Variants in CCN4 observed in about 807,000 individuals in gnomAD.
CCN4 encodes the protein CCN family member 4.
CCN4 carries 30 observed loss-of-function variants against 36.7 expected under a neutral mutation model. That is an observed-to-expected ratio of 0.82 (90% confidence interval 0.61 to 1.11). CCN4 has a LOEUF of 1.11. CCN4 is among the 50% of genes least tolerant of loss of function. The probability of loss-of-function intolerance (pLI) is 0.00; values close to 1 mark genes in which losing one functional copy is unlikely to be tolerated. For synonymous variants in CCN4, 191 were observed against 195.4 expected (o/e 0.98, Z 0.19); for missense variants, 505 against 504.9 (o/e 1.00, Z 0.00).
intron 1 of CCN4, among the ~76,000 whole-genome samples, chr8:133,205,459 T>C (rs1476110977): frequency 6.6e-6 from 1 of 152,216 alleles, no homozygotes; most frequent in East Asian, 1.9e-4. Context: ...TCTTGGCTTC[T>C]GTTGTTGGAC....
intron 1 of CCN4, among the ~76,000 whole-genome samples, chr8:133,209,994 T>C (rs1356360035): frequency 6.6e-6 from 1 of 152,176 alleles, no homozygotes; most frequent in African/African-American, 2.4e-5. Flanking sequence ...TGCATGTTCT[T>C]TTCTTGACAC....
At chr8:133,220,472 G>A in intron 2 of CCN4, 109 bp from the exon 3 acceptor site, 1 of 1,484,584 alleles carries the variant, frequency 6.7e-7, no homozygotes. Context: ...TCCATGCTGG[G>A]AGCCATCCCC....
At position 133,231,400 on chromosome 8, in the gene CCN4, T is replaced by A. The variant is rs1854960630; in HGVS notation, c.*3690T>A. 1 of 152,190 alleles carries A rather than the reference T, an allele frequency of 6.6e-6. No homozygotes were observed. The highest frequency in any genetic ancestry group is 2.4e-5 in the African/African-American group (1 of 41,448). 9.4% of individuals were successfully genotyped at this position (152,190 alleles called of 1,614,324 possible). A position where few individuals can be genotyped will look rare whatever the true frequency, so the allele number is the denominator to read the frequency against. ...ACTGCCATTTTTGTGACTGAAAAACTACACATGAGGAAACGTCTTAGAATT... is the reference window on the plus strand; with the variant it reads ...ACTGCCATTTTTGTGACTGAAAAACAACACATGAGGAAACGTCTTAGAATT... On this transcript the variant is annotated 3_prime_UTR_variant, in exon 5 of 5. Coordinates refer to ENST00000250160, the MANE Select transcript of CCN4 (RefSeq NM_003882.4).
At chr8:133,204,775 G>C (rs1355371124) in intron 1 of CCN4, among the ~76,000 whole-genome samples, 1 of 152,142 alleles carries the variant, frequency 6.6e-6, no homozygotes, top group Non-Finnish European at 1.5e-5. Flanking sequence ...GGCTGGTCTC[G>C]ACCTCCTTGA....
chr8:133,215,774 C>T (rs569814663), intron 2 of CCN4, among the ~76,000 whole-genome samples: 25 of 152,168 alleles, frequency 1.6e-4, no homozygotes, highest in African/African-American at 3.9e-4. Flanking sequence ...ATAGATTTTA[C>T]GCCTACCAGT....
chr8:133,194,253 G>A (rs1172329990), intron 1 of CCN4, among the ~76,000 whole-genome samples: 1 of 149,638 alleles, frequency 6.7e-6, no homozygotes, highest in Non-Finnish European at 1.5e-5. Context: ...GTGAGAGGGT[G>A]TGTGGGGGTA....
At chr8:133,204,076 A>G (rs771043548) in intron 1 of CCN4, among the ~76,000 whole-genome samples, 2 of 152,152 alleles carry the variant, frequency 1.3e-5, no homozygotes, top group Non-Finnish European at 2.9e-5. Flanking sequence ...TCCAATAAGT[A>G]TGATTGAAGG....
chr8:133,227,926 A>C lies in CCN4; in HGVS notation c.*216A>C. On this transcript the variant is annotated 3_prime_UTR_variant, in exon 5 of 5. Coordinates refer to ENST00000250160, the MANE Select transcript of CCN4 (RefSeq NM_003882.4). ...TATCATTCAGCATCTACTCTAAAGA[A>C]AAATGCCTGTCTCTAGCTGTTCTGG... 1 of 567,506 alleles carries C rather than the reference A, an allele frequency of 1.8e-6. No homozygotes were observed. The highest frequency in any genetic ancestry group is 2.9e-5 in the East Asian group (1 of 33,926). The allele number at this position is 567,506 out of a possible 1,614,324, so 35.2% of individuals were successfully genotyped here. A position where few individuals can be genotyped will look rare whatever the true frequency, so the allele number is the denominator to read the frequency against.
chr8:133,206,426 C>G (rs1004664665), intron 1 of CCN4, among the ~76,000 whole-genome samples: 2 of 152,208 alleles, frequency 1.3e-5, no homozygotes, highest in Non-Finnish European at 1.5e-5. Flanking sequence ...GATGCACAGA[C>G]AGAAGGTGGT....
rs56318195 is a variant in CCN4, at chr8:133,217,936, C to CCACACACACACACGCACACACACA, written c.350-2632_350-2631insGCACACACACACACACACACACAC. Among the ~76,000 whole-genome samples, 837 of 144,486 alleles carry CCACACACACACACGCACACACACA rather than the reference C, an allele frequency of 5.8e-3. 4 individuals carry two copies. Among genetic ancestry groups the CCACACACACACACGCACACACACA allele is most frequent in the Middle Eastern group, 0.01 (3 of 294 alleles). 94.8% of individuals were successfully genotyped at this position (144,486 alleles called of 152,430 possible). On this transcript the variant is annotated intron_variant, in intron 2 of 4. Coordinates refer to ENST00000250160, the MANE Select transcript of CCN4 (RefSeq NM_003882.4). ...TTCCGGGCTTAGCCCACTCCCTTCT[C>CCACACACACACACGCACACACACA]CACACACACACACACACACACACAC...
intron 4 of CCN4, 58 bp from the exon 5 acceptor site, chr8:133,227,353 G>A: frequency 1.3e-6 from 2 of 1,531,366 alleles, no homozygotes; most frequent in Non-Finnish European, 1.8e-6. Context: ...CTCAGGGGAA[G>A]AAGGTGGTTG....
At chr8:133,201,544 G>A (rs907934950) in intron 1 of CCN4, among the ~76,000 whole-genome samples, 1 of 152,102 alleles carries the variant, frequency 6.6e-6, no homozygotes, top group Non-Finnish European at 1.5e-5. Flanking sequence ...AGATTTTTAA[G>A]AATAAAAAAG....
intron 1 of CCN4, among the ~76,000 whole-genome samples, chr8:133,193,968 T>A (rs1451285772): frequency 6.6e-6 from 1 of 152,194 alleles, no homozygotes; most frequent in Non-Finnish European, 1.5e-5. Flanking sequence ...TAAGTCCCGT[T>A]GCACCTCAGA....
At chr8:133,207,994 G>GTTTTTTT (rs33983896) in intron 1 of CCN4, among the ~76,000 whole-genome samples, 11,107 of 141,184 alleles carry the variant, frequency 0.079, 541 homozygotes, top group South Asian at 0.14. Context: ...CCTTTCAGCT[G>GTTTTTTT]TTTTTTTTTT....
rs1055843234 is a variant in CCN4, at chr8:133,228,576, T to C, written c.*866T>C. ...CCTGCTTGGGGTTCATAGGAATTGG[T>C]AAGGCCTCTGGACTGGCCTGTCTGG... On this transcript the variant is annotated 3_prime_UTR_variant, in exon 5 of 5. Coordinates refer to ENST00000250160, the MANE Select transcript of CCN4 (RefSeq NM_003882.4). 2.6e-5 allele frequency: 4 copies of C among 152,210 alleles called. No homozygotes were observed. Among genetic ancestry groups the C allele is most frequent in the Non-Finnish European group, 4.4e-5 (3 of 68,106 alleles). 9.4% of individuals were successfully genotyped at this position (152,210 alleles called of 1,614,324 possible).
chr8:133,217,936 C>CCACACACACACACGCACGCACA (rs56318195), intron 2 of CCN4, among the ~76,000 whole-genome samples: 5 of 144,432 alleles, frequency 3.5e-5, no homozygotes, highest in Non-Finnish European at 7.5e-5. Context: ...ACTCCCTTCT[C>CCACACACACACACGCACGCACA]CACACACACA....
In CCN4 at chr8:133,227,921, A is replaced by G; in HGVS notation, c.*211A>G. 1 of 580,164 alleles carries G rather than the reference A, an allele frequency of 1.7e-6. No individual in the cohort carries two copies. The highest frequency in any genetic ancestry group is 3.3e-5 in the Admixed American group (1 of 30,570). 35.9% of individuals were successfully genotyped at this position (580,164 alleles called of 1,614,324 possible). A position where few individuals can be genotyped will look rare whatever the true frequency, so the allele number is the denominator to read the frequency against. ...CTTGATATCATTCAGCATCTACTCT[A>G]AAGAAAAATGCCTGTCTCTAGCTGT... On this transcript the variant is annotated 3_prime_UTR_variant, in exon 5 of 5. Transcript: ENST00000250160.
At position 133,231,187 on chromosome 8, in the gene CCN4, G is replaced by A. The variant is rs903720220; in HGVS notation, c.*3477G>A. ...GTGTGTGCATAGCAATTACAGGGAA[G>A]TAATCTAGCTCCTGACTATTATGTT... On this transcript the variant is annotated 3_prime_UTR_variant, in exon 5 of 5. Coordinates refer to ENST00000250160, the MANE Select transcript of CCN4 (RefSeq NM_003882.4). 2 of 152,166 alleles carry A rather than the reference G, an allele frequency of 1.3e-5. No homozygotes were observed. Among genetic ancestry groups the A allele is most frequent in the Non-Finnish European group, 2.9e-5 (2 of 68,042 alleles). 9.4% of individuals were successfully genotyped at this position (152,166 alleles called of 1,614,324 possible). A position where few individuals can be genotyped will look rare whatever the true frequency, so the allele number is the denominator to read the frequency against.
At position 133,213,116 on chromosome 8, in the gene CCN4, C is replaced by G; in HGVS notation, c.322C>G (p.Pro108Ala). ...CTACTGTGACTACAGCGGGGACCGC[C>G]CGAGGTACGCAATAGGAGTGTGTGC... ...GLYCDYSGDR[P>A]RYAIGVCAQV... Residue 108 changes from proline (P) to alanine (A), a missense_variant, in exon 2 of 5, where the codon CCG (proline) becomes GCG (alanine). Physicochemically the swap from Pro to Ala is conservative, Grantham distance 27. Coordinates refer to ENST00000250160, the MANE Select transcript of CCN4 (RefSeq NM_003882.4). 1 of 1,612,414 alleles carries G rather than the reference C, an allele frequency of 6.2e-7. No individual in the cohort carries two copies. The highest frequency in any genetic ancestry group is 1.1e-5 in the South Asian group (1 of 90,992).
Sources: allele counts gnomAD v4.1 joint callset (sites outside exome capture counted in the v4.1 genomes callset), GRCh38; gene constraint gnomAD v4.1.1; transcripts MANE v1.5; gene names NCBI Gene and HGNC (gene_info 2026-07-23, HGNC 2026-07-21).